PLXDC2: variants seen among roughly 807,000 people sequenced by gnomAD.
The protein encoded by PLXDC2 is plexin domain containing 2.
A neutral mutation model predicts 68.9 loss-of-function variants in PLXDC2; 40 were observed. The ratio of observed to expected loss-of-function variants is 0.58; its 90% CI spans 0.45 to 0.76. The LOEUF (loss-of-function observed/expected upper bound fraction) is 0.76, where lower values mean the gene tolerates loss of function less well. PLXDC2 is among the 30% of genes least tolerant of loss of function. PLXDC2 has a pLI of 0.00. For missense variants in PLXDC2, 644 were observed against 661.9 expected (o/e 0.97, Z 0.30); for synonymous variants, 243 against 234.2 (o/e 1.04, Z -0.34).
intron 3 of PLXDC2, among the ~76,000 whole-genome samples, chr10:20,067,393 G>A (rs1836229842): frequency 6.6e-6 from 1 of 152,118 alleles, no homozygotes; most frequent in Admixed American, 6.6e-5. Flanking sequence ...ACATGAAAAT[G>A]TCTGCAGGTC....
intron 1 of PLXDC2, among the ~76,000 whole-genome samples, chr10:19,824,978 A>G (rs1447825755): frequency 3.3e-5 from 5 of 152,158 alleles, no homozygotes; most frequent in African/African-American, 1.2e-4. Context: ...ACGTTACTGG[A>G]TATCCAGACT....
intron 1 of PLXDC2, among the ~76,000 whole-genome samples, chr10:19,868,567 ACT>A (rs906348490): frequency 8.5e-5 from 13 of 152,120 alleles, no homozygotes; most frequent in African/African-American, 3.1e-4. Flanking sequence ...GAAAATGTTA[ACT>A]CTATGCCATT....
chr10:20,187,621 G>C (rs1278493062), intron 9 of PLXDC2, among the ~76,000 whole-genome samples: 1 of 151,710 alleles, frequency 6.6e-6, no homozygotes, highest in Non-Finnish European at 1.5e-5. Context: ...TAATGGGTAA[G>C]GCTGCATGTC....
At chr10:19,850,560 C>G (rs904510922) in intron 1 of PLXDC2, among the ~76,000 whole-genome samples, 1 of 152,100 alleles carries the variant, frequency 6.6e-6, no homozygotes, top group Non-Finnish European at 1.5e-5. Context: ...ACGAGAGACC[C>G]AACTAATCGT....
intron 1 of PLXDC2, among the ~76,000 whole-genome samples, chr10:19,938,431 C>G (rs575330960): frequency 5.1e-4 from 78 of 152,220 alleles, no homozygotes; most frequent in African/African-American, 1.7e-3. Context: ...CTGGGTAGGC[C>G]TCAGGGAGGT....
intron 1 of PLXDC2, among the ~76,000 whole-genome samples, chr10:19,846,115 G>A (rs1176924490): frequency 6.6e-6 from 1 of 152,122 alleles, no homozygotes; most frequent in East Asian, 1.9e-4. Context: ...AAGATTGCTT[G>A]AGTCCAACCT....
intron 4 of PLXDC2, among the ~76,000 whole-genome samples, chr10:20,072,368 C>CA (rs1271894089): frequency 5.0e-5 from 5 of 100,576 alleles, no homozygotes; most frequent in African/African-American, 1.6e-4. Flanking sequence ...AAAACTCTAT[C>CA]AAAAAAAATA....
intron 3 of PLXDC2, among the ~76,000 whole-genome samples, chr10:20,052,450 T>A (rs1354920635): frequency 1.3e-5 from 2 of 151,980 alleles, no homozygotes; most frequent in Non-Finnish European, 2.9e-5. Flanking sequence ...CTGAGTAATG[T>A]CCACATACAC....
At chr10:20,208,786 C>G (rs1835027765) in intron 9 of PLXDC2, among the ~76,000 whole-genome samples, 1 of 151,962 alleles carries the variant, frequency 6.6e-6, no homozygotes, top group African/African-American at 2.4e-5. Flanking sequence ...TATATTTTCC[C>G]TAAGTGTTGG....
intron 1 of PLXDC2, among the ~76,000 whole-genome samples, chr10:19,850,640 T>G (rs1246289698): frequency 6.6e-6 from 1 of 152,176 alleles, no homozygotes; most frequent in Non-Finnish European, 1.5e-5. Context: ...CAACCTGCAT[T>G]TAAATTACTA....
intron 5 of PLXDC2, among the ~76,000 whole-genome samples, chr10:20,146,525 TC>T: frequency 3.5e-5 from 5 of 143,152 alleles, no homozygotes; most frequent in South Asian, 2.5e-4. Flanking sequence ...CCTTCCTCCC[TC>T]CCTCCCTCCC....
chr10:20,044,510 A>G (rs1835762291), intron 2 of PLXDC2, among the ~76,000 whole-genome samples: 1 of 151,568 alleles, frequency 6.6e-6, no homozygotes, highest in Non-Finnish European at 1.5e-5. Flanking sequence ...GGGTTTCACC[A>G]TTTTGGCTAG....
intron 13 of PLXDC2, among the ~76,000 whole-genome samples, chr10:20,254,260 G>C (rs952512904): frequency 6.6e-6 from 1 of 152,106 alleles, no homozygotes; most frequent in Non-Finnish European, 1.5e-5. Flanking sequence ...GCAACTAATA[G>C]TACCACCAGG....
chr10:20,161,312 G>A (rs542929063), intron 6 of PLXDC2, among the ~76,000 whole-genome samples: 139 of 144,112 alleles, frequency 9.6e-4, no homozygotes, highest in Middle Eastern at 3.4e-3. Flanking sequence ...ATAACTTTTG[G>A]TGCAAAAAAA....
intron 2 of PLXDC2, among the ~76,000 whole-genome samples, chr10:20,011,883 A>T (rs1390321319): frequency 6.6e-6 from 1 of 152,252 alleles, no homozygotes. Flanking sequence ...CACGAATCAC[A>T]GTGAGTCTTT....
intron 1 of PLXDC2, among the ~76,000 whole-genome samples, chr10:19,909,114 A>C (rs1252369020): frequency 6.6e-6 from 1 of 152,122 alleles, no homozygotes; most frequent in Non-Finnish European, 1.5e-5. Flanking sequence ...GTGAGTTACT[A>C]CTCAGAAACC....
intron 1 of PLXDC2, among the ~76,000 whole-genome samples, chr10:19,994,729 A>C (rs1289286003): frequency 6.6e-6 from 1 of 151,642 alleles, no homozygotes; most frequent in Non-Finnish European, 1.5e-5. Flanking sequence ...AACCTGGTTA[A>C]TCATTCATTT....
chr10:20,077,511 C>T (rs1437414278), intron 4 of PLXDC2, among the ~76,000 whole-genome samples: 2 of 152,104 alleles, frequency 1.3e-5, no homozygotes, highest in Non-Finnish European at 2.9e-5. Flanking sequence ...GGTTAGACTA[C>T]TTTGTTGATC....
chr10:20,220,983 C>T (rs1372785944), intron 12 of PLXDC2, among the ~76,000 whole-genome samples: 1 of 151,562 alleles, frequency 6.6e-6, no homozygotes, highest in African/African-American at 2.4e-5. Context: ...GCTGGGATTA[C>T]AGGCACCCAC....
Sources: allele counts gnomAD v4.1 joint callset (sites outside exome capture counted in the v4.1 genomes callset), GRCh38; gene constraint gnomAD v4.1.1; transcripts MANE v1.5; gene names NCBI Gene and HGNC (gene_info 2026-07-23, HGNC 2026-07-21).